Variants in GABRG2 observed in about 807,000 individuals in gnomAD.
The protein encoded by GABRG2 is gamma-aminobutyric acid type A receptor subunit gamma2.
Under a neutral mutation model 56.4 loss-of-function variants are expected in GABRG2, and 16 were observed. The observed-to-expected ratio is 0.28, with a 90% CI of 0.19 to 0.43. GABRG2 has a LOEUF of 0.43. GABRG2 is among the 20% of genes least tolerant of loss of function. The probability of loss-of-function intolerance (pLI) is 1.00; values close to 1 mark genes in which losing one functional copy is unlikely to be tolerated. For missense variants in GABRG2, 327 were observed against 582.7 expected (o/e 0.56, Z 4.52); for synonymous variants, 208 against 205.5 (o/e 1.01, Z -0.10).
chr5:162,144,227 A>G (rs1764788828), intron 7 of GABRG2, among the ~76,000 whole-genome samples: 1 of 152,162 alleles, frequency 6.6e-6, no homozygotes, highest in Non-Finnish European at 1.5e-5. Context: ...TAATTGTTCA[A>G]TTGATGTATA....
At chr5:162,105,857 A>T (rs569960912) in intron 6 of GABRG2, among the ~76,000 whole-genome samples, 1 of 149,680 alleles carries the variant, frequency 6.7e-6, no homozygotes, top group African/African-American at 2.5e-5. Context: ...CGTAAAATTA[A>T]TCTCCAGTTC....
At chr5:162,145,305 T>C (rs1040501635) in intron 7 of GABRG2, among the ~76,000 whole-genome samples, 28 of 152,164 alleles carry the variant, frequency 1.8e-4, no homozygotes, top group African/African-American at 6.5e-4. Context: ...GTAGTGACAA[T>C]GAATGAAATG....
chr5:162,151,605 C>A, intron 8 of GABRG2, 125 bp from the exon 9 acceptor site: 1 of 797,204 alleles, frequency 1.3e-6, no homozygotes, highest in Non-Finnish European at 2.0e-6. Flanking sequence ...AATTTCAGTT[C>A]ATTTCACTTA....
intron 1 of GABRG2, among the ~76,000 whole-genome samples, chr5:162,078,420 T>G (rs1244486505): frequency 2.8e-4 from 36 of 127,586 alleles, no homozygotes; most frequent in Non-Finnish European, 5.8e-4. Context: ...TTTTTTTTTT[T>G]TTTTGAGACG....
chr5:162,117,659 T>G (rs1382574549), intron 6 of GABRG2, among the ~76,000 whole-genome samples: 1 of 152,160 alleles, frequency 6.6e-6, no homozygotes, highest in East Asian at 1.9e-4. Flanking sequence ...TTTAAAATAT[T>G]GCCATATGGC....
chr5:162,153,423 GTCTGT>G lies in GABRG2; in HGVS notation c.*59_*63del. On this transcript the variant is annotated 3_prime_UTR_variant, in exon 10 of 10. Coordinates refer to ENST00000639213, the MANE Select transcript of GABRG2 (RefSeq NM_198904.4). ...TATTCACTGAGTCTCATGGAGAGAT[GTCTGT>G]TCTAAGTCCACTTAAATAATCCTCT... 1.3e-6 allele frequency: 2 copies of G among 1,580,738 alleles called. No individual in the cohort carries two copies. The highest frequency in any genetic ancestry group is 1.7e-6 in the Non-Finnish European group (2 of 1,150,068).
rs576299779 is a variant in GABRG2 at position 162,149,487 on chromosome 5, A to T, written c.1128+174A>T. The T allele has an allele frequency of 5.5e-6, 4 of 730,660 alleles. No homozygotes were observed. The African/African-American group carries it at 6.9e-5, about 13-fold the overall frequency. The allele number at this position is 730,660 out of a possible 1,614,324, so 45.3% of individuals were successfully genotyped here. ...TTTACAGTCATTAGTTACTTGAGAG[A>T]GACTCAAGTCTGTTTCTATTTTCTG... On this transcript the variant is annotated intron_variant, in intron 8 of 9. Coordinates refer to ENST00000639213, the MANE Select transcript of GABRG2 (RefSeq NM_198904.4).
intron 6 of GABRG2, among the ~76,000 whole-genome samples, chr5:162,117,082 C>T (rs1762672848): frequency 6.6e-6 from 1 of 152,192 alleles, no homozygotes; most frequent in Admixed American, 6.6e-5. Flanking sequence ...CTGTCTCACT[C>T]TGTCAGTGAC....
At chr5:162,131,161 A>G (rs1430541510) in intron 6 of GABRG2, among the ~76,000 whole-genome samples, 2 of 152,000 alleles carry the variant, frequency 1.3e-5, no homozygotes, top group Non-Finnish European at 2.9e-5. Flanking sequence ...AAAGGACATT[A>G]TGACTCCTAA....
chr5:162,114,336 A>T (rs968826901), intron 6 of GABRG2, among the ~76,000 whole-genome samples: 22 of 152,114 alleles, frequency 1.4e-4, no homozygotes, highest in African/African-American at 5.3e-4. Context: ...GTATCGCTAT[A>T]AAAATGGGGA....
chr5:162,148,856 ATC>A (rs1232172529), intron 7 of GABRG2, among the ~76,000 whole-genome samples: 1 of 152,196 alleles, frequency 6.6e-6, no homozygotes, highest in African/African-American at 2.4e-5. Flanking sequence ...TTCACAGTAT[ATC>A]TCTCTCACTA....
Position 162,095,570 on chromosome 5 carries a change from T to G in GABRG2, c.327+8T>G, listed in dbSNP as rs1760939217. The G allele has an allele frequency of 6.3e-7, 1 of 1,578,496 alleles. No homozygotes were observed. On this transcript the variant is annotated splice_region_variant and intron_variant, in intron 3 of 9. Transcript: ENST00000639213. ...GTGAACGCTATCAATATGGTGAGTT[T>G]CCAAATAAAATTCTTTGTCTGTTTT...
intron 1 of GABRG2, among the ~76,000 whole-genome samples, chr5:162,079,707 C>G (rs1380407794): frequency 6.6e-6 from 1 of 151,878 alleles, no homozygotes; most frequent in Non-Finnish European, 1.5e-5. Context: ...TTATTTACTT[C>G]CCTTATTGAT....
intron 6 of GABRG2, among the ~76,000 whole-genome samples, chr5:162,125,279 G>C (rs545519286): frequency 6.6e-6 from 1 of 151,472 alleles, no homozygotes; most frequent in African/African-American, 2.4e-5. Context: ...TTTGGTGCGA[G>C]TGTTCTTTTT....
At chr5:162,120,413 A>C (rs1437503133) in intron 6 of GABRG2, among the ~76,000 whole-genome samples, 2 of 152,066 alleles carry the variant, frequency 1.3e-5, no homozygotes, top group South Asian at 4.1e-4. Context: ...TGAGATTATT[A>C]CTCTAGCATT....
intron 6 of GABRG2, among the ~76,000 whole-genome samples, chr5:162,141,457 A>C (rs1352855567): frequency 6.6e-6 from 1 of 152,156 alleles, no homozygotes; most frequent in African/African-American, 2.4e-5. Flanking sequence ...ATGTTACTGA[A>C]TGCCTGTTTT....
At chr5:162,144,802 A>G (rs1348857496) in intron 7 of GABRG2, among the ~76,000 whole-genome samples, 1 of 152,158 alleles carries the variant, frequency 6.6e-6, no homozygotes, top group Non-Finnish European at 1.5e-5. Flanking sequence ...CAGTTTCTCT[A>G]TTTTAACTTT....
intron 4 of GABRG2, chr5:162,100,093 A>T (rs913427767): frequency 2.0e-5 from 3 of 152,090 alleles, no homozygotes; most frequent in Non-Finnish European, 4.4e-5. Context: ...TTGGGTCCAA[A>T]TTTCAACTGT....
intron 6 of GABRG2, among the ~76,000 whole-genome samples, chr5:162,113,319 T>C (rs908359840): frequency 6.6e-6 from 1 of 152,162 alleles, no homozygotes; most frequent in East Asian, 1.9e-4. Flanking sequence ...AAACACATCA[T>C]AGATGTCTAA....
Sources: gnomAD v4.1 joint callset for allele counts (sites outside exome capture counted in the v4.1 genomes callset) on GRCh38, gnomAD v4.1.1 for gene constraint, MANE v1.5 for transcripts, NCBI Gene and HGNC (gene_info 2026-07-23, HGNC 2026-07-21) for gene names.